The following TRAPPC12 variants were observed in gnomAD, a reference collection of about 807,000 sequenced individuals.
TRAPPC12 encodes the protein trafficking protein particle complex subunit 12.
A neutral mutation model predicts 69.2 loss-of-function variants in TRAPPC12; 61 were observed. That is an observed-to-expected ratio of 0.88 (90% CI 0.72 to 1.09). TRAPPC12 has a LOEUF of 1.09. Ranked by LOEUF, TRAPPC12 falls within the 50% of genes least tolerant of loss-of-function variation. The pLI is 0.00. For synonymous variants in TRAPPC12, 469 were observed against 438.9 expected, an observed-to-expected ratio of 1.07 and a Z score of -0.86; for missense variants, 1,101 against 1,016.4, an observed-to-expected ratio of 1.08 and a Z score of -1.13.
At chr2:3,411,646 G>T (rs1470455056) in intron 3 of TRAPPC12, among the ~76,000 whole-genome samples, 1 of 152,118 alleles carries the variant, frequency 6.6e-6, no homozygotes, top group Admixed American at 6.5e-5. Flanking sequence ...TTTTTATTAT[G>T]TATTATATAT....
intron 9 of TRAPPC12, among the ~76,000 whole-genome samples, chr2:3,471,907 G>A (rs897447147): frequency 2.3e-4 from 35 of 152,092 alleles, no homozygotes; most frequent in African/African-American, 8.0e-4. Context: ...AAGCACAGAC[G>A]AGGGGCCTGT....
intron 2 of TRAPPC12, among the ~76,000 whole-genome samples, chr2:3,399,132 T>A (rs910855005): frequency 6.6e-6 from 1 of 152,258 alleles, no homozygotes; most frequent in Non-Finnish European, 1.5e-5. Flanking sequence ...TTGATAGTCA[T>A]GCATATGCTA....
At chr2:3,474,393 C>T (rs1043242830) in intron 9 of TRAPPC12, among the ~76,000 whole-genome samples, 2 of 152,152 alleles carry the variant, frequency 1.3e-5, no homozygotes, top group Non-Finnish European at 2.9e-5. Context: ...AGATTAAGGG[C>T]GGGTCGGCCT....
At chr2:3,475,581 C>A (rs1004013298) in intron 9 of TRAPPC12, among the ~76,000 whole-genome samples, 2 of 152,048 alleles carry the variant, frequency 1.3e-5, no homozygotes, top group Non-Finnish European at 2.9e-5. Flanking sequence ...TGTCAAGTTA[C>A]TTTCTAATCA....
intron 5 of TRAPPC12, among the ~76,000 whole-genome samples, chr2:3,432,562 C>T (rs142438832): frequency 1.4e-3 from 220 of 152,320 alleles, no homozygotes; most frequent in African/African-American, 5.1e-3. Flanking sequence ...CCTCACCTTG[C>T]AGAGTGACCA....
chr2:3,448,603 T>TAGGGCGTGGAGAGCAGCCGGTTACG (rs1664651763), intron 6 of TRAPPC12, among the ~76,000 whole-genome samples: 1 of 141,700 alleles, frequency 7.1e-6, no homozygotes, highest in Non-Finnish European at 1.5e-5. Flanking sequence ...AGCCGGTTAC[T>TAGGGCGTGGAGAGCAGCCGGTTACG]CGAGGGTAGG....
chr2:3,443,531 T>C (rs1267897276), intron 5 of TRAPPC12, among the ~76,000 whole-genome samples: 1 of 152,248 alleles, frequency 6.6e-6, no homozygotes, highest in Non-Finnish European at 1.5e-5. Flanking sequence ...ATGATTGCAG[T>C]GTAGCTTTGG....
chr2:3,469,030 C>T (rs945748765), intron 9 of TRAPPC12, among the ~76,000 whole-genome samples: 2 of 152,126 alleles, frequency 1.3e-5, no homozygotes, highest in Non-Finnish European at 2.9e-5. Context: ...GGAATGAACA[C>T]GTAAAAGCCA....
intron 3 of TRAPPC12, among the ~76,000 whole-genome samples, chr2:3,420,626 C>A (rs1002318057): frequency 9.2e-5 from 14 of 152,194 alleles, no homozygotes; most frequent in African/African-American, 2.7e-4. Flanking sequence ...CACAGCCCCC[C>A]ACACCGCCGC....
intron 3 of TRAPPC12, among the ~76,000 whole-genome samples, chr2:3,418,682 G>GT (rs1662589381): frequency 6.6e-6 from 1 of 152,190 alleles, no homozygotes; most frequent in Non-Finnish European, 1.5e-5. Context: ...AACTCAGGCA[G>GT]TAGGGGGTGG....
chr2:3,387,502 G>A, intron 1 of TRAPPC12, 118 bp from the exon 2 acceptor site: 2 of 860,142 alleles, frequency 2.3e-6, no homozygotes. Context: ...AAAAGCACAT[G>A]GATAAGAAGC....
intron 4 of TRAPPC12, 61 bp downstream of exon 4, chr2:3,422,055 C>T: frequency 7.6e-7 from 1 of 1,316,916 alleles, no homozygotes; most frequent in Non-Finnish European, 1.1e-6. Flanking sequence ...GGGACATGGA[C>T]AGGACCATGG....
intron 5 of TRAPPC12, among the ~76,000 whole-genome samples, chr2:3,430,289 G>A (rs1416829713): frequency 6.6e-6 from 1 of 152,144 alleles, no homozygotes; most frequent in Admixed American, 6.5e-5. Context: ...ATTTAAAGTG[G>A]CATATGTGAG....
chr2:3,388,129 C>T lies in TRAPPC12; in HGVS notation c.506C>T (p.Pro169Leu). The T allele has an allele frequency of 1.3e-6, 2 of 1,592,254 alleles. No individual in the cohort carries two copies. The highest frequency in any genetic ancestry group is 1.4e-5 in the African/African-American group (1 of 74,036). Residue 169 changes from proline (P) to leucine (L), a missense_variant, in exon 2 of 12, where the codon CCA becomes CTA. By Grantham distance (98) the Pro-to-Leu change is moderately conservative (BLOSUM62 -3). Coordinates refer to ENST00000324266, the MANE Select transcript of TRAPPC12 (RefSeq NM_016030.6). ...ACCATCTTCAGCCAGCGCGCGCCCCCAGCCTCCGGGGACGGCTTCGAGCCG... is the reference window on the plus strand; with the variant it reads ...ACCATCTTCAGCCAGCGCGCGCCCCTAGCCTCCGGGGACGGCTTCGAGCCG... The part of the protein sequence containing the change: ...VCTIFSQRAP[P>L]ASGDGFEPQM...
intron 9 of TRAPPC12, among the ~76,000 whole-genome samples, chr2:3,471,859 G>C (rs1338142201): frequency 6.6e-6 from 1 of 152,050 alleles, no homozygotes; most frequent in Non-Finnish European, 1.5e-5. Context: ...CTTGGACTGG[G>C]AAAGTAGCTG....
At chr2:3,446,689 T>C (rs1198653323) in intron 6 of TRAPPC12, among the ~76,000 whole-genome samples, 1 of 152,244 alleles carries the variant, frequency 6.6e-6, no homozygotes, top group African/African-American at 2.4e-5. Context: ...CATGGAGCAA[T>C]GCGTCTCCAC....
At chr2:3,386,336 A>C (rs749685021) in intron 1 of TRAPPC12, among the ~76,000 whole-genome samples, 6 of 152,206 alleles carry the variant, frequency 3.9e-5, no homozygotes, top group Non-Finnish European at 5.9e-5. Flanking sequence ...ATAAAGTAAA[A>C]GTTTTTCAAG....
At chr2:3,469,563 C>T (rs967136315) in intron 9 of TRAPPC12, among the ~76,000 whole-genome samples, 8 of 152,188 alleles carry the variant, frequency 5.3e-5, no homozygotes, top group Non-Finnish European at 7.3e-5. Context: ...TGCCGTAGCA[C>T]GTCACAGGCC....
rs115386179 is a variant in TRAPPC12 at position 3,405,451 on chromosome 2, C to T, written c.1164+3558C>T. 5.7e-3 allele frequency among the ~76,000 whole-genome samples: 671 copies of T among 117,924 alleles called. 1 individual carries two copies. The highest frequency in any genetic ancestry group is 9.8e-3 in the Non-Finnish European group (522 of 53,500). 77.4% of individuals were successfully genotyped at this position (117,924 alleles called of 152,430 possible). Reference sequence around the variant, plus strand: ...AAATGACTTAGTATTTCTGAACCGTCGGATCTACACACCGTGGGAATTACG... The same window carrying T: ...AAATGACTTAGTATTTCTGAACCGTTGGATCTACACACCGTGGGAATTACG... On this transcript the variant is annotated intron_variant, in intron 3 of 11. Transcript: ENST00000324266.
Sources: allele counts gnomAD v4.1 joint callset (sites outside exome capture counted in the v4.1 genomes callset), GRCh38; gene constraint gnomAD v4.1.1; transcripts MANE v1.5; gene names NCBI Gene and HGNC (gene_info 2026-07-23, HGNC 2026-07-21).